Variants in CTNNA1 observed in about 807,000 individuals in gnomAD.
The protein encoded by CTNNA1 is catenin alpha-1.
A neutral mutation model predicts 98.4 loss-of-function variants in CTNNA1; 37 were observed. The observed-to-expected ratio is 0.38, with a 90% CI of 0.29 to 0.49. The LOEUF is 0.49. CTNNA1 is among the 20% of genes least tolerant of loss of function. The probability of loss-of-function intolerance (pLI) is 0.95; values close to 1 mark genes in which losing one functional copy is unlikely to be tolerated. For missense variants in CTNNA1, 761 were observed against 1,147.2 expected, an observed-to-expected ratio of 0.66 and a Z score of 4.86; for synonymous variants, 404 against 413.2, an observed-to-expected ratio of 0.98 and a Z score of 0.27.
At chr5:138,837,751 A>G (rs1331553040) in intron 7 of CTNNA1, among the ~76,000 whole-genome samples, 1 of 151,422 alleles carries the variant, frequency 6.6e-6, no homozygotes, top group Non-Finnish European at 1.5e-5. Flanking sequence ...CTTCCCCAGT[A>G]GCTGGGACTA....
At chr5:138,932,242 A>C (rs1580925405) in intron 16 of CTNNA1, 1 of 1,103,450 alleles carries the variant, frequency 9.1e-7, no homozygotes, top group Non-Finnish European at 1.1e-6. Context: ...ATGGGCCTCC[A>C]CCCTGCCGTT....
At chr5:138,797,171 G>A (rs181425420) in intron 3 of CTNNA1, among the ~76,000 whole-genome samples, 2 of 152,198 alleles carry the variant, frequency 1.3e-5, no homozygotes, top group East Asian at 3.8e-4. Flanking sequence ...AAAATTTGAA[G>A]CCTGAGTTTT....
chr5:138,810,260 G>T, intron 4 of CTNNA1, 56 bp downstream of exon 4: 2 of 1,557,412 alleles, frequency 1.3e-6, no homozygotes, highest in South Asian at 1.1e-5. Context: ...ATTGCTACTG[G>T]CCTTCCTTAG....
At chr5:138,905,182 C>G (rs955544863) in intron 10 of CTNNA1, among the ~76,000 whole-genome samples, 3 of 151,784 alleles carry the variant, frequency 2.0e-5, no homozygotes, top group Non-Finnish European at 4.4e-5. Flanking sequence ...CCCAGCCACT[C>G]AGGAGGCTAT....
At chr5:138,842,721 C>T (rs1388279840) in intron 7 of CTNNA1, among the ~76,000 whole-genome samples, 2 of 152,116 alleles carry the variant, frequency 1.3e-5, no homozygotes, top group Non-Finnish European at 2.9e-5. Flanking sequence ...AACACCAGGC[C>T]TAAATGGGTT....
rs191920107 is a variant in CTNNA1, at chr5:138,756,451, G to A, written c.-3+2941G>A. 8.5e-5 allele frequency among the ~76,000 whole-genome samples: 13 copies of A among 152,266 alleles called. No individual in the cohort carries two copies. In the East Asian group the frequency reaches 2.3e-3, roughly 27 times the overall value. On this transcript the variant is annotated intron_variant, in intron 1 of 17. Transcript: ENST00000302763. ...TAAAGTGCTGGGATTACAGGTGTGA[G>A]CCACCGCACTTTCGGATTTCTTTGA...
intron 1 of CTNNA1, among the ~76,000 whole-genome samples, chr5:138,759,382 G>A (rs1752064818): frequency 6.6e-6 from 1 of 152,170 alleles, no homozygotes; most frequent in Non-Finnish European, 1.5e-5. Flanking sequence ...CTGGGCGCAT[G>A]CACCATGGTA....
intron 7 of CTNNA1, among the ~76,000 whole-genome samples, chr5:138,882,922 G>A (rs774396339): frequency 3.9e-5 from 6 of 152,296 alleles, no homozygotes; most frequent in Admixed American, 6.5e-5. Flanking sequence ...TCTGCCTCCC[G>A]GGTTCAAGGG....
chr5:138,778,004 T>TTTTA, intron 1 of CTNNA1, among the ~76,000 whole-genome samples: 1 of 134,306 alleles, frequency 7.4e-6, no homozygotes, highest in South Asian at 2.5e-4. Context: ...TTTTTTTTTT[T>TTTTA]TTTTTTTAAA....
intron 7 of CTNNA1, among the ~76,000 whole-genome samples, chr5:138,837,161 T>C (rs1761855753): frequency 6.6e-6 from 1 of 152,242 alleles, no homozygotes; most frequent in African/African-American, 2.4e-5. Flanking sequence ...TATACATTTC[T>C]ATCAAGTCTT....
intron 7 of CTNNA1, among the ~76,000 whole-genome samples, chr5:138,882,806 AAAG>A (rs1170323374): frequency 6.6e-6 from 1 of 152,204 alleles, no homozygotes; most frequent in African/African-American, 2.4e-5. Flanking sequence ...TTTAATCTCA[AAAG>A]AAGTAGAATC....
intron 7 of CTNNA1, among the ~76,000 whole-genome samples, chr5:138,852,871 G>GCGCA (rs869240008): frequency 5.5e-4 from 83 of 151,342 alleles, no homozygotes; most frequent in Middle Eastern, 3.4e-3. Context: ...GCGCGCGCGC[G>GCGCA]CACACACACA....
At chr5:138,885,234 GT>G (rs1364955888) in intron 7 of CTNNA1, among the ~76,000 whole-genome samples, 1 of 152,116 alleles carries the variant, frequency 6.6e-6, no homozygotes. Context: ...ACTGGCTTGT[GT>G]ACTAAGAGCA....
intron 1 of CTNNA1, chr5:138,753,885 G>C (rs1049300978): frequency 1.4e-4 from 22 of 156,696 alleles, no homozygotes; most frequent in African/African-American, 5.3e-4. Context: ...CGGCGCGCGC[G>C]GCAGCCCCGC....
At position 138,904,404 on chromosome 5, in the gene CTNNA1, G is replaced by A. The variant is rs773756164; in HGVS notation, c.1352G>A (p.Arg451Gln). The A allele has an allele frequency of 2.7e-5, 44 of 1,614,108 alleles. No homozygotes were observed. The South Asian group carries it at 4.0e-4, about 15-fold the overall frequency. Residue 451 changes from arginine (R) to glutamine (Q), a missense_variant, in exon 10 of 18, where the codon CGA (arginine) becomes CAA (glutamine). By Grantham distance (43) the Arg-to-Gln change is conservative. Around this residue, in one of 6 missense-constraint regions of CTNNA1, gnomAD observed 287 missense variants for 436.0 expected, o/e 0.66. Coordinates refer to ENST00000302763, the MANE Select transcript of CTNNA1 (RefSeq NM_001903.5). ...SNNEEGVKLV[R>Q]MSASQLEALC... Reference sequence around the variant, plus strand: ...AATGAAGAAGGTGTAAAGCTTGTTCGAATGTCTGCAAGCCAGTTAGAAGCC... The same window carrying A: ...AATGAAGAAGGTGTAAAGCTTGTTCAAATGTCTGCAAGCCAGTTAGAAGCC...
intron 10 of CTNNA1, among the ~76,000 whole-genome samples, chr5:138,915,209 A>G (rs1174318335): frequency 6.6e-6 from 1 of 152,228 alleles, no homozygotes; most frequent in South Asian, 2.1e-4. Flanking sequence ...CCTTGTACCT[A>G]GGAATCCTAC....
chr5:138,858,454 A>G (rs1763930619), intron 7 of CTNNA1, among the ~76,000 whole-genome samples: 1 of 152,180 alleles, frequency 6.6e-6, no homozygotes. Context: ...AGTTTTATAC[A>G]TACTGAAATG....
chr5:138,868,116 A>C (rs1020249688), intron 7 of CTNNA1, among the ~76,000 whole-genome samples: 2 of 152,234 alleles, frequency 1.3e-5, no homozygotes, highest in African/African-American at 4.8e-5. Context: ...TATATCATAC[A>C]TATAACATAT....
At chr5:138,783,849 G>T (rs1480591645) in intron 3 of CTNNA1, among the ~76,000 whole-genome samples, 1 of 152,188 alleles carries the variant, frequency 6.6e-6, no homozygotes, top group Non-Finnish European at 1.5e-5. Context: ...TTGTCCTATT[G>T]TGTCAGAATA....
Sources: gnomAD v4.1 joint callset for allele counts (sites outside exome capture counted in the v4.1 genomes callset) on GRCh38, gnomAD v4.1.1 for gene constraint, gnomAD v4.1.1 regional missense constraint, MANE v1.5 for transcripts, NCBI Gene and HGNC (gene_info 2026-07-23, HGNC 2026-07-21) for gene names.